PLS1: variants seen among roughly 807,000 people sequenced by gnomAD.
PLS1 encodes the protein plastin-1.
In PLS1, 32 loss-of-function variants were observed where a neutral mutation model predicts 73.7. The observed-to-expected ratio is 0.43, with a 90% CI of 0.33 to 0.58. The LOEUF (loss-of-function observed/expected upper bound fraction) is 0.58, where lower values mean the gene tolerates loss of function less well. Among genes scored for constraint, PLS1 ranks in the 20% least tolerant of loss-of-function variants. The pLI is 0.04. For synonymous variants in PLS1, 217 were observed against 261.3 expected, an observed-to-expected ratio of 0.83 and a Z score of 1.63; for missense variants, 633 against 740.5, an observed-to-expected ratio of 0.85 and a Z score of 1.68.
At chr3:142,711,697 A>T (rs1933135753) in intron 15 of PLS1, 72 bp downstream of exon 15, 2 of 1,380,046 alleles carry the variant, frequency 1.4e-6, no homozygotes, top group African/African-American at 2.9e-5. Context: ...AAAAGTTACT[A>T]TGCCCTTAAA....
intron 4 of PLS1, among the ~76,000 whole-genome samples, chr3:142,675,827 A>G (rs1343759414): frequency 1.3e-5 from 2 of 152,032 alleles, no homozygotes; most frequent in African/African-American, 4.8e-5. Flanking sequence ...GGCATGTGCC[A>G]TTATGCCTGG....
In PLS1 at chr3:142,710,167, CTT is replaced by C. The variant is rs201238880; in HGVS notation, c.1630-1317_1630-1316del. On this transcript the variant is annotated intron_variant, in intron 14 of 15. Coordinates refer to ENST00000457734, the MANE Select transcript of PLS1 (RefSeq NM_001145319.2). ...TAATTGAAGAATGTCATTCAGGACT[CTT>C]TTTTTTTTTTTTTTTTCCCATCTCT... Among the ~76,000 whole-genome samples, 603 of 131,588 alleles carry C rather than the reference CTT, an allele frequency of 4.6e-3. 9 individuals are homozygous for C. The highest frequency in any genetic ancestry group is 0.015 in the African/African-American group (524 of 36,028). 86.3% of individuals were successfully genotyped at this position (131,588 alleles called of 152,430 possible). A position where few individuals can be genotyped will look rare whatever the true frequency, so the allele number is the denominator to read the frequency against.
intron 6 of PLS1, among the ~76,000 whole-genome samples, chr3:142,682,748 A>G (rs999194046): frequency 1.4e-4 from 21 of 152,194 alleles, no homozygotes; most frequent in Non-Finnish European, 2.8e-4. Flanking sequence ...AGTTGCATAG[A>G]TTTGATTTAA....
chr3:142,605,890 G>A (rs1314427402), intron 1 of PLS1, among the ~76,000 whole-genome samples: 8 of 152,094 alleles, frequency 5.3e-5, no homozygotes. Flanking sequence ...GGAATGTGTA[G>A]GATAAAAGAT....
chr3:142,636,880 TTGAA>T (rs1326857471), intron 1 of PLS1, among the ~76,000 whole-genome samples: 10 of 152,310 alleles, frequency 6.6e-5, no homozygotes, highest in East Asian at 3.9e-4. Flanking sequence ...ATAGCACTAT[TTGAA>T]TGGCCAAAAT....
intron 1 of PLS1, among the ~76,000 whole-genome samples, chr3:142,598,733 C>T (rs1046443688): frequency 5.3e-5 from 8 of 152,254 alleles, no homozygotes; most frequent in Non-Finnish European, 8.8e-5. Context: ...TGTGGTGGCT[C>T]ACGCCTGTAA....
chr3:142,710,509 AT>A (rs1933072908), intron 14 of PLS1, among the ~76,000 whole-genome samples: 1 of 152,128 alleles, frequency 6.6e-6, no homozygotes, highest in South Asian at 2.1e-4. Flanking sequence ...TATGCACTGT[AT>A]GCTTTATACA....
intron 14 of PLS1, among the ~76,000 whole-genome samples, chr3:142,705,642 G>T (rs1190209308): frequency 6.6e-6 from 1 of 152,200 alleles, no homozygotes; most frequent in African/African-American, 2.4e-5. Context: ...ACAAAGAGAT[G>T]AAACACTAAG....
intron 1 of PLS1, among the ~76,000 whole-genome samples, chr3:142,629,461 A>G (rs560216049): frequency 6.6e-6 from 1 of 152,296 alleles, no homozygotes; most frequent in African/African-American, 2.4e-5. Context: ...TCGGCCTCCC[A>G]AAGTGCTGGG....
intron 14 of PLS1, 41 bp from the exon 15 acceptor site, chr3:142,711,460 G>T: frequency 7.0e-7 from 1 of 1,425,108 alleles, no homozygotes; most frequent in Non-Finnish European, 9.8e-7. Flanking sequence ...AAAATTAAAG[G>T]TCAGATGTTT....
chr3:142,661,673 TA>T (rs749033245), intron 1 of PLS1, among the ~76,000 whole-genome samples: 3 of 152,200 alleles, frequency 2.0e-5, no homozygotes, highest in Non-Finnish European at 2.9e-5. Context: ...TAAAAGTGTA[TA>T]AAAAAGAGGA....
chr3:142,647,056 A>G (rs6808302), intron 1 of PLS1, among the ~76,000 whole-genome samples: 88,190 of 152,010 alleles, frequency 0.58, 26,096 homozygotes, highest in Non-Finnish European at 0.65. Context: ...AAGTTGGCCA[A>G]TGTTGGCCTG....
rs1170933037 is a variant in PLS1, at chr3:142,600,916, A to AT, written c.-37+4432dup. On this transcript the variant is annotated intron_variant, in intron 1 of 15. Coordinates refer to ENST00000457734, the MANE Select transcript of PLS1 (RefSeq NM_001145319.2). ...TATATATATATATATATATATATAT[A>AT]TTTTTTTTTTTTTTTTTTTTTTTTT... is the stretch of plus-strand genomic sequence containing the variant. Among the ~76,000 whole-genome samples the AT allele has an allele frequency of 2.7e-3, 40 of 14,834 alleles. 5 individuals are homozygous for AT. Among genetic ancestry groups the AT allele is most frequent in the South Asian group, 7.4e-3 (2 of 272 alleles). 9.7% of individuals were successfully genotyped at this position (14,834 alleles called of 152,430 possible).
intron 1 of PLS1, among the ~76,000 whole-genome samples, chr3:142,599,932 T>C (rs1162366255): frequency 6.6e-6 from 1 of 151,880 alleles, no homozygotes; most frequent in East Asian, 1.9e-4. Flanking sequence ...AATTTTGTAT[T>C]TTTTTGTGTT....
intron 1 of PLS1, among the ~76,000 whole-genome samples, chr3:142,619,913 A>G (rs78849767): frequency 0.013 from 1,916 of 152,108 alleles, 37 homozygotes; most frequent in African/African-American, 0.043. Context: ...TTTTTCTTCT[A>G]TTTTTTAATG....
At chr3:142,700,106 C>A (rs1022259083) in intron 12 of PLS1, among the ~76,000 whole-genome samples, 3 of 152,052 alleles carry the variant, frequency 2.0e-5, no homozygotes, top group Non-Finnish European at 4.4e-5. Flanking sequence ...ATGCAGAATA[C>A]TTTTTCAACA....
At chr3:142,680,781 A>G (rs941071892) in intron 6 of PLS1, among the ~76,000 whole-genome samples, 22 of 152,194 alleles carry the variant, frequency 1.4e-4, no homozygotes, top group African/African-American at 5.1e-4. Context: ...CAACTTTATA[A>G]TAAGGTATAT....
At chr3:142,696,051 C>T (rs1002159981) in intron 11 of PLS1, among the ~76,000 whole-genome samples, 1 of 152,180 alleles carries the variant, frequency 6.6e-6, no homozygotes, top group African/African-American at 2.4e-5. Context: ...GCCTCGGCCT[C>T]CCAAAGTGCT....
intron 1 of PLS1, among the ~76,000 whole-genome samples, chr3:142,607,746 T>TA (rs1470361923): frequency 6.6e-6 from 1 of 152,202 alleles, no homozygotes; most frequent in Non-Finnish European, 1.5e-5. Context: ...GACATTTAGT[T>TA]ACTGTGTCTC....
Sources: allele counts gnomAD v4.1 joint callset (sites outside exome capture counted in the v4.1 genomes callset), GRCh38; gene constraint gnomAD v4.1.1; transcripts MANE v1.5; gene names NCBI Gene and HGNC (gene_info 2026-07-23, HGNC 2026-07-21).